Variants in PTPRD observed in about 807,000 individuals in gnomAD.
PTPRD encodes protein tyrosine phosphatase receptor type D, also known as receptor-type tyrosine-protein phosphatase delta.
In PTPRD, 34 loss-of-function variants were observed where a neutral mutation model predicts 214.5. The ratio of observed to expected loss-of-function variants is 0.16; its 90% CI spans 0.12 to 0.21. The LOEUF is 0.21. Ranked by LOEUF, PTPRD falls within the 10% of genes least tolerant of loss-of-function variation. PTPRD has a pLI of 1.00. For synonymous variants in PTPRD, 1,128 were observed against 845.7 expected, an observed-to-expected ratio of 1.33 and a Z score of -5.79; for missense variants, 2,545 against 2,398.7, an observed-to-expected ratio of 1.06 and a Z score of -1.27.
intron 3 of PTPRD, among the ~76,000 whole-genome samples, chr9:10,062,078 C>T (rs538924775): frequency 6.6e-6 from 1 of 152,020 alleles, no homozygotes; most frequent in Non-Finnish European, 1.5e-5. Flanking sequence ...AAAATCGTGA[C>T]TCTCATACAA....
chr9:10,234,417 C>A (rs895287629), intron 3 of PTPRD, among the ~76,000 whole-genome samples: 1 of 151,716 alleles, frequency 6.6e-6, no homozygotes, highest in African/African-American at 2.4e-5. Context: ...ATACATATTT[C>A]CCTAAACTAT....
Position 9,578,949 on chromosome 9 carries a change from C to G in PTPRD, c.-286-4168G>C, listed in dbSNP as rs184248150. Reference sequence around the variant, plus strand: ...GTCTCAGTATTTTTATGTATTAATTCATTTAATTCTGATAATTATATTTTT... The same window carrying G: ...GTCTCAGTATTTTTATGTATTAATTGATTTAATTCTGATAATTATATTTTT... On this transcript the variant is annotated intron_variant, in intron 7 of 45. Coordinates refer to ENST00000381196, the MANE Select transcript of PTPRD (RefSeq NM_002839.4). Among the ~76,000 whole-genome samples, 85 of 152,100 alleles carry G rather than the reference C, an allele frequency of 5.6e-4. No homozygotes were observed. In the South Asian group the frequency reaches 6.8e-3, roughly 12 times the overall value.
At chr9:9,629,238 G>GTA (rs113482595) in intron 7 of PTPRD, among the ~76,000 whole-genome samples, 32,196 of 140,236 alleles carry the variant, frequency 0.23, 3,871 homozygotes, top group Middle Eastern at 0.28. Flanking sequence ...GTGTGTGTGT[G>GTA]TATATATATA....
chr9:10,304,339 T>C (rs1303738452), intron 3 of PTPRD, among the ~76,000 whole-genome samples: 2 of 152,150 alleles, frequency 1.3e-5, no homozygotes, highest in East Asian at 1.9e-4. Context: ...AGCATTTCCT[T>C]TGAAAACCGG....
At chr9:10,184,925 C>G (rs2099322156) in intron 3 of PTPRD, among the ~76,000 whole-genome samples, 1 of 152,128 alleles carries the variant, frequency 6.6e-6, no homozygotes, top group Admixed American at 6.5e-5. Context: ...ACTTAAAGCA[C>G]ATGTAATAAA....
At chr9:8,866,463 C>T (rs996388293) in intron 11 of PTPRD, among the ~76,000 whole-genome samples, 4 of 152,088 alleles carry the variant, frequency 2.6e-5, no homozygotes, top group African/African-American at 9.7e-5. Flanking sequence ...TATGCCCCAA[C>T]GTGCTGCCCA....
intron 3 of PTPRD, among the ~76,000 whole-genome samples, chr9:10,210,796 C>CATATATATATATATATAT (rs35136618): frequency 9.1e-5 from 7 of 76,704 alleles, no homozygotes; most frequent in South Asian, 3.6e-4. Flanking sequence ...CAAAAAACTT[C>CATATATATATATATATAT]ATATATATAT....
chr9:10,609,603 A>C (rs989037028), intron 2 of PTPRD, among the ~76,000 whole-genome samples: 2 of 152,154 alleles, frequency 1.3e-5, no homozygotes, highest in Non-Finnish European at 2.9e-5. Context: ...AAAAATGTGC[A>C]TTTGCAGAAC....
At chr9:8,544,846 T>C (rs1227066608) in intron 14 of PTPRD, among the ~76,000 whole-genome samples, 1 of 151,674 alleles carries the variant, frequency 6.6e-6, no homozygotes, top group East Asian at 1.9e-4. Flanking sequence ...TCTCACAGAC[T>C]TAATCCTTTG....
At chr9:8,863,967 G>GA (rs2098151238) in intron 11 of PTPRD, among the ~76,000 whole-genome samples, 1 of 152,082 alleles carries the variant, frequency 6.6e-6, no homozygotes, top group Admixed American at 6.5e-5. Context: ...TTAAAATACA[G>GA]AAAAAGATTA....
chr9:8,829,919 A>G (rs1460721808), intron 11 of PTPRD, among the ~76,000 whole-genome samples: 4 of 152,214 alleles, frequency 2.6e-5, no homozygotes, highest in African/African-American at 9.6e-5. Context: ...AAACCTCTTC[A>G]TTAACTATAT....
chr9:8,546,684 G>A (rs1195043142), intron 14 of PTPRD, among the ~76,000 whole-genome samples: 2 of 151,982 alleles, frequency 1.3e-5, no homozygotes, highest in African/African-American at 4.8e-5. Context: ...ATTTTTAGTA[G>A]AGATGGGGTT....
chr9:10,246,325 C>T (rs1368333135), intron 3 of PTPRD, among the ~76,000 whole-genome samples: 1 of 152,146 alleles, frequency 6.6e-6, no homozygotes, highest in South Asian at 2.1e-4. Context: ...CTCACTGCAA[C>T]CTCCACCTCT....
chr9:9,336,340 G>C (rs2044472228), intron 9 of PTPRD, among the ~76,000 whole-genome samples: 1 of 152,104 alleles, frequency 6.6e-6, no homozygotes, highest in African/African-American at 2.4e-5. Flanking sequence ...ATGTGAGTTG[G>C]AACTCAGGGA....
chr9:9,614,652 A>T (rs1251114677), intron 7 of PTPRD, among the ~76,000 whole-genome samples: 1 of 152,170 alleles, frequency 6.6e-6, no homozygotes. Flanking sequence ...GTAATTCTTC[A>T]AATTATTTTG....
chr9:8,858,101 C>CTCCTCCTCCTCT (rs1232459265), intron 11 of PTPRD: 3 of 164,360 alleles, frequency 1.8e-5, no homozygotes, highest in African/African-American at 4.8e-5. Flanking sequence ...CCCCCTCCTC[C>CTCCTCCTCCTCT]TCCTCCTCCT....
At chr9:8,880,573 T>G (rs778598877) in intron 11 of PTPRD, among the ~76,000 whole-genome samples, 1 of 152,176 alleles carries the variant, frequency 6.6e-6, no homozygotes, top group South Asian at 2.1e-4. Flanking sequence ...AACATTACAT[T>G]ACTGCAAAGA....
At chr9:9,519,455 A>G (rs546662217) in intron 8 of PTPRD, among the ~76,000 whole-genome samples, 18 of 152,072 alleles carry the variant, frequency 1.2e-4, no homozygotes, top group Admixed American at 7.9e-4. Context: ...AAGCCTAATC[A>G]AAGAAAAGGA....
chr9:10,096,039 T>C (rs2098480400), intron 3 of PTPRD, among the ~76,000 whole-genome samples: 2 of 151,578 alleles, frequency 1.3e-5, no homozygotes, highest in Non-Finnish European at 3.0e-5. Context: ...TGAGGAGACT[T>C]TGAAACACAA....
Sources: allele counts gnomAD v4.1 joint callset (sites outside exome capture counted in the v4.1 genomes callset), GRCh38; gene constraint gnomAD v4.1.1; transcripts MANE v1.5; gene names NCBI Gene and HGNC (gene_info 2026-07-23, HGNC 2026-07-21).